CDH26: variants seen among roughly 807,000 people sequenced by gnomAD.
CDH26 encodes the protein cadherin 26, also known as cadherin-like protein 26.
CDH26 carries 83 observed loss-of-function variants against 90.3 expected under a neutral mutation model. The observed-to-expected ratio is 0.92, with a 90% confidence interval of 0.77 to 1.10. CDH26 has a LOEUF of 1.10. CDH26 is among the 50% of genes least tolerant of loss of function. The probability of loss-of-function intolerance (pLI) is 0.00; values close to 1 mark genes in which losing one functional copy is unlikely to be tolerated. For synonymous variants in CDH26, 397 were observed against 396.3 expected (o/e 1.00, Z -0.02); for missense variants, 1,013 against 1,037.6 (o/e 0.98, Z 0.33).
In CDH26 at chr20:59,979,601, CTTTTTTTTTTTTTTTTTTTTTTTTTT is replaced by C. The variant is rs559969476; in HGVS notation, c.394-3304_394-3279del. ...TGTGGTGAGATAAAGCTGCTATGCA[CTTTTTTTTTTTTTTTTTTTTTTTTTT>C]TTTTTTTTTTTTTTTTTAGATAGAG... is the stretch of plus-strand genomic sequence containing the variant. On this transcript the variant is annotated intron_variant, in intron 4 of 17. Transcript: ENST00000348616. Among the ~76,000 whole-genome samples, 14 of 47,494 alleles carry C rather than the reference CTTTTTTTTTTTTTTTTTTTTTTTTTT, an allele frequency of 2.9e-4. No individual in the cohort carries two copies. The South Asian group carries it at 3.7e-3, about 13-fold the overall frequency. 31.2% of individuals were successfully genotyped at this position (47,494 alleles called of 152,430 possible). A position where few individuals can be genotyped will look rare whatever the true frequency, so the allele number is the denominator to read the frequency against.
rs1416762809 is a variant in CDH26, at chr20:59,999,556, T to C, written c.2020-30T>C. The C allele has an allele frequency of 2.5e-6, 4 of 1,585,078 alleles. No homozygotes were observed. The African/African-American group carries it at 5.4e-5, about 21-fold the overall frequency. On this transcript the variant is annotated intron_variant, in intron 13 of 17. Coordinates refer to ENST00000348616, the MANE Select transcript of CDH26 (RefSeq NM_177980.4). The stretch of plus-strand genomic sequence containing the variant: ...TTTCTGCTATCTGTGATTTCAGCCC[T>C]TGTCATATTTCTTTCTCTGTGTTCT...
chr20:60,003,659 A>G (rs2061703900), intron 16 of CDH26, among the ~76,000 whole-genome samples: 1 of 152,242 alleles, frequency 6.6e-6, no homozygotes, highest in African/African-American at 2.4e-5. Context: ...GAGACTAAAA[A>G]AGATGTAAAC....
At chr20:60,004,765 CAAAAAAAAAAA>C (rs140015980) in intron 16 of CDH26, among the ~76,000 whole-genome samples, 2 of 48,132 alleles carry the variant, frequency 4.2e-5, no homozygotes, top group Non-Finnish European at 1.1e-4. Context: ...GACTCCATCT[CAAAAAAAAAAA>C]AAAAAAAAAG....
chr20:60,007,829 A>G (rs1158876808), intron 17 of CDH26, among the ~76,000 whole-genome samples: 4 of 152,074 alleles, frequency 2.6e-5, no homozygotes, highest in Non-Finnish European at 4.4e-5. Flanking sequence ...CTACCTCAGA[A>G]TGAAGGGTCT....
intron 7 of CDH26, 45 bp from the exon 8 acceptor site, chr20:59,987,407 TG>T: frequency 6.6e-7 from 1 of 1,504,066 alleles, no homozygotes; most frequent in Non-Finnish European, 9.1e-7. Flanking sequence ...CCTTTTCAAT[TG>T]TGTTTTTGTT....
At position 60,012,728 on chromosome 20, in the gene CDH26, T is replaced by C; in HGVS notation, c.2497T>C (p.Ter833GlnextTer9). Residue 833 changes from the stop codon to glutamine, a stop_lost, in exon 18 of 18, where the codon TAA becomes CAA. Transcript: ENST00000348616. ...ATATTCAGAGTCAGGTGTTCCTTCC[T>C]AAAAAAAAAAGTCTATTTTGGAGAA... ...EIYSESGVPS[*>Q] 1 of 1,401,178 alleles carries C rather than the reference T, an allele frequency of 7.1e-7. No individual in the cohort carries two copies. The highest frequency in any genetic ancestry group is 2.6e-5 in the East Asian group (1 of 38,132). 86.8% of individuals were successfully genotyped at this position (1,401,178 alleles called of 1,614,324 possible).
intron 4 of CDH26, among the ~76,000 whole-genome samples, chr20:59,976,654 A>T (rs764232876): frequency 6.6e-6 from 1 of 152,172 alleles, no homozygotes; most frequent in African/African-American, 2.4e-5. Flanking sequence ...TTAAAAATGT[A>T]TGCTGGAGTC....
At chr20:60,012,250 A>T (rs1237573780) in intron 17 of CDH26, among the ~76,000 whole-genome samples, 10 of 151,974 alleles carry the variant, frequency 6.6e-5, no homozygotes, top group Non-Finnish European at 1.5e-4. Context: ...AATCTGCAAG[A>T]GGGTGGGAGC....
chr20:59,979,236 G>A lies in CDH26; in HGVS notation c.394-3687G>A, dbSNP rs554050498. 1.0e-4 allele frequency among the ~76,000 whole-genome samples: 10 copies of A among 100,274 alleles called. No individual in the cohort carries two copies. In the Admixed American group the frequency reaches 1.1e-3, roughly 11 times the overall value. 65.8% of individuals were successfully genotyped at this position (100,274 alleles called of 152,430 possible). ...TTTTTTTGAGACGGAGTCTTGTTCT[G>A]TCGCCAGGCTGGAATGCAGTGGTGC... On this transcript the variant is annotated intron_variant, in intron 4 of 17. Coordinates refer to ENST00000348616, the MANE Select transcript of CDH26 (RefSeq NM_177980.4).
chr20:59,985,473 G>A (rs1296953364), intron 7 of CDH26, among the ~76,000 whole-genome samples: 3 of 152,012 alleles, frequency 2.0e-5, no homozygotes, highest in Non-Finnish European at 4.4e-5. Context: ...GGTAAGAGGG[G>A]CCACACACTT....
intron 17 of CDH26, among the ~76,000 whole-genome samples, chr20:60,010,804 G>A (rs1386181855): frequency 2.0e-5 from 3 of 151,636 alleles, no homozygotes; most frequent in Non-Finnish European, 2.9e-5. Flanking sequence ...AATGCGCAGA[G>A]CAGGCACCTC....
intron 4 of CDH26, among the ~76,000 whole-genome samples, chr20:59,979,272 C>A (rs970347241): frequency 2.1e-5 from 3 of 145,172 alleles, no homozygotes; most frequent in African/African-American, 7.8e-5. Flanking sequence ...AATCTTTGCT[C>A]ACTGCAACCT....
chr20:60,031,448 C>T, intron 8 of CDH26: 2 of 1,088,966 alleles, frequency 1.8e-6, no homozygotes, highest in African/African-American at 1.7e-5. Context: ...TATATTTTTG[C>T]ATGTACTAGA....
intron 17 of CDH26, among the ~76,000 whole-genome samples, chr20:60,010,850 G>A (rs989691850): frequency 2.0e-5 from 3 of 151,648 alleles, no homozygotes; most frequent in Non-Finnish European, 4.4e-5. Flanking sequence ...GTGTCGAGCC[G>A]GAGCCTGCCC....
intron 1 of CDH26, among the ~76,000 whole-genome samples, chr20:59,964,959 C>T (rs1336103060): frequency 1.3e-5 from 2 of 152,132 alleles, no homozygotes; most frequent in African/African-American, 2.4e-5. Context: ...GTTTCAGAAA[C>T]GGAATTAATT....
intron 16 of CDH26, 102 bp downstream of exon 16, chr20:60,002,968 G>A: frequency 1.3e-6 from 1 of 798,172 alleles, no homozygotes; most frequent in Non-Finnish European, 1.9e-6. Flanking sequence ...GGAAAGAGGT[G>A]ATAAAAAAAA....
chr20:59,974,092 C>T (rs1248741305), intron 4 of CDH26, among the ~76,000 whole-genome samples: 1 of 152,172 alleles, frequency 6.6e-6, no homozygotes, highest in African/African-American at 2.4e-5. Context: ...GCCATTCTGA[C>T]TGGTGTGAGA....
At chr20:59,986,695 C>T (rs1934217186) in intron 7 of CDH26, among the ~76,000 whole-genome samples, 1 of 150,014 alleles carries the variant, frequency 6.7e-6, no homozygotes, top group African/African-American at 2.5e-5. Flanking sequence ...GGAATTTTTG[C>T]CTGTCTTGTT....
At chr20:59,994,117 A>T (rs1247298648) in intron 10 of CDH26, 133 bp from the exon 11 acceptor site, 3 of 1,150,178 alleles carry the variant, frequency 2.6e-6, no homozygotes, top group Non-Finnish European at 3.7e-6. Flanking sequence ...ATGCCAGGAG[A>T]GCTTATGACG....
Sources: allele counts gnomAD v4.1 joint callset (sites outside exome capture counted in the v4.1 genomes callset), GRCh38; gene constraint gnomAD v4.1.1; transcripts MANE v1.5; gene names NCBI Gene and HGNC (gene_info 2026-07-23, HGNC 2026-07-21).